Variants in AIG1 observed in about 807,000 individuals in gnomAD.
The protein encoded by AIG1 is androgen induced 1.
AIG1 carries 23 observed loss-of-function variants against 31.4 expected under a neutral mutation model. That is an observed-to-expected ratio of 0.73 (90% CI 0.53 to 1.04). The LOEUF (loss-of-function observed/expected upper bound fraction) is 1.04, where lower values mean the gene tolerates loss of function less well. Among genes scored for constraint, AIG1 ranks in the 50% least tolerant of loss-of-function variants. The pLI is 0.00. For synonymous variants in AIG1, 100 were observed against 110.5 expected, an observed-to-expected ratio of 0.90 and a Z score of 0.60; for missense variants, 274 against 295.0, an observed-to-expected ratio of 0.93 and a Z score of 0.52.
chr6:143,287,599 A>T (rs968426332), intron 4 of AIG1, among the ~76,000 whole-genome samples: 1 of 152,140 alleles, frequency 6.6e-6, no homozygotes, highest in Non-Finnish European at 1.5e-5. Flanking sequence ...CTGGTAGCTG[A>T]GGCCACTTTC....
intron 1 of AIG1, among the ~76,000 whole-genome samples, chr6:143,125,039 G>C (rs1782576879): frequency 6.6e-6 from 1 of 151,910 alleles, no homozygotes; most frequent in African/African-American, 2.4e-5. Flanking sequence ...TGAGCTCCAG[G>C]GTACCTTTTA....
chr6:143,113,321 C>A (rs747508860), intron 1 of AIG1, among the ~76,000 whole-genome samples: 1 of 152,042 alleles, frequency 6.6e-6, no homozygotes, highest in Non-Finnish European at 1.5e-5. Context: ...TTAAAGATTT[C>A]TGGCGGGGCG....
At chr6:143,091,931 G>A (rs1779341411) in intron 1 of AIG1, among the ~76,000 whole-genome samples, 1 of 151,940 alleles carries the variant, frequency 6.6e-6, no homozygotes. Context: ...TAGGTGAGAG[G>A]AAACACCATC....
chr6:143,339,321 T>G, intron 5 of AIG1: 1 of 194,534 alleles, frequency 5.1e-6, no homozygotes, highest in South Asian at 1.4e-4. Flanking sequence ...AGCTGGGATT[T>G]CCATGCAAAC....
At chr6:143,172,989 A>AT (rs1787784011) in intron 3 of AIG1, among the ~76,000 whole-genome samples, 1 of 150,908 alleles carries the variant, frequency 6.6e-6, no homozygotes, top group Non-Finnish European at 1.5e-5. Context: ...TGGTCTATCA[A>AT]TTTTTTTATC....
At chr6:143,117,714 C>A (rs1307879236) in intron 1 of AIG1, among the ~76,000 whole-genome samples, 1 of 152,116 alleles carries the variant, frequency 6.6e-6, no homozygotes, top group Non-Finnish European at 1.5e-5. Flanking sequence ...AAGAGTCGAT[C>A]AGATCTCTAA....
chr6:143,184,107 A>C (rs1789000882), intron 3 of AIG1, among the ~76,000 whole-genome samples: 1 of 152,208 alleles, frequency 6.6e-6, no homozygotes, highest in African/African-American at 2.4e-5. Context: ...TACCATGTGA[A>C]CCTTAAATCA....
At chr6:143,294,910 C>T (rs1437063249) in intron 4 of AIG1, among the ~76,000 whole-genome samples, 1 of 152,156 alleles carries the variant, frequency 6.6e-6, no homozygotes, top group Admixed American at 6.5e-5. Flanking sequence ...TCCAGGTCCT[C>T]TTGTTTTACT....
chr6:143,066,581 G>T (rs1776732198), intron 1 of AIG1, among the ~76,000 whole-genome samples: 1 of 151,992 alleles, frequency 6.6e-6, no homozygotes, highest in Non-Finnish European at 1.5e-5. Flanking sequence ...CCTGAATTCT[G>T]CCTATTTTCA....
chr6:143,184,964 G>A (rs749810138), intron 3 of AIG1, among the ~76,000 whole-genome samples: 9 of 152,232 alleles, frequency 5.9e-5, no homozygotes, highest in South Asian at 2.1e-4. Context: ...TTGGGAGGCC[G>A]AGGTGGGCGG....
chr6:143,217,604 G>T (rs1433062590), intron 3 of AIG1, among the ~76,000 whole-genome samples: 1 of 152,112 alleles, frequency 6.6e-6, no homozygotes, highest in Non-Finnish European at 1.5e-5. Context: ...CACCTCCCAG[G>T]TCCAATCAAT....
intron 1 of AIG1, among the ~76,000 whole-genome samples, chr6:143,077,107 C>T (rs1303603434): frequency 6.6e-6 from 1 of 152,170 alleles, no homozygotes; most frequent in Non-Finnish European, 1.5e-5. Flanking sequence ...TAGTTTATCA[C>T]TTCAAGTGAA....
At chr6:143,281,785 ATGATAAGC>A (rs1797355540) in intron 3 of AIG1, among the ~76,000 whole-genome samples, 1 of 152,176 alleles carries the variant, frequency 6.6e-6, no homozygotes, top group Non-Finnish European at 1.5e-5. Flanking sequence ...AAAATTCCAA[ATGATAAGC>A]TGTTATGACA....
Position 143,184,985 on chromosome 6 carries a change from CAA to C in AIG1, c.399+19803_399+19804del, listed in dbSNP as rs1789104503. ...GGCCGAGGTGGGCGGATCACAAGGT[CAA>C]GAGATGGAGACCATTCTGGCCGACA... On this transcript the variant is annotated intron_variant, in intron 3 of 5. Transcript: ENST00000357847. Among the ~76,000 whole-genome samples the C allele has an allele frequency of 3.3e-5, 5 of 151,962 alleles. No homozygotes were observed. In the South Asian group the frequency reaches 1.0e-3, roughly 32 times the overall value.
At chr6:143,146,784 C>T (rs975714815) in intron 2 of AIG1, among the ~76,000 whole-genome samples, 2 of 152,180 alleles carry the variant, frequency 1.3e-5, no homozygotes, top group Admixed American at 6.5e-5. Flanking sequence ...TCCACCTACA[C>T]AAAATTTACT....
At chr6:143,320,910 C>T (rs1055227977) in intron 4 of AIG1, among the ~76,000 whole-genome samples, 60 of 149,506 alleles carry the variant, frequency 4.0e-4, no homozygotes, top group African/African-American at 1.5e-3. Flanking sequence ...CGACTTCTGT[C>T]TCCCGAGTTC....
intron 4 of AIG1, among the ~76,000 whole-genome samples, chr6:143,286,070 G>T (rs1012507502): frequency 4.5e-5 from 6 of 133,538 alleles, no homozygotes; most frequent in African/African-American, 1.7e-4. Flanking sequence ...TTGCTTACCT[G>T]TGGAAAAGGC....
intron 3 of AIG1, among the ~76,000 whole-genome samples, chr6:143,283,893 A>G (rs1472649540): frequency 6.6e-6 from 1 of 152,252 alleles, no homozygotes; most frequent in Non-Finnish European, 1.5e-5. Context: ...AAAATACAAT[A>G]AAATTTCAAA....
intron 3 of AIG1, among the ~76,000 whole-genome samples, chr6:143,180,166 C>T (rs1476607222): frequency 3.9e-5 from 6 of 152,230 alleles, no homozygotes; most frequent in African/African-American, 1.4e-4. Context: ...AGAGAGTTCT[C>T]CATGGCCTGC....
Sources: gnomAD v4.1 joint callset for allele counts (sites outside exome capture counted in the v4.1 genomes callset) on GRCh38, gnomAD v4.1.1 for gene constraint, MANE v1.5 for transcripts, NCBI Gene and HGNC (gene_info 2026-07-23, HGNC 2026-07-21) for gene names.